THSD7A: variants seen among roughly 807,000 people sequenced by gnomAD.
THSD7A encodes thrombospondin type-1 domain-containing protein 7A.
THSD7A carries 96 observed loss-of-function variants against 231.3 expected under a neutral mutation model. The ratio of observed to expected loss-of-function variants is 0.41; its 90% CI spans 0.35 to 0.49. The LOEUF (loss-of-function observed/expected upper bound fraction) is 0.49, where lower values mean the gene tolerates loss of function less well. THSD7A is among the 20% of genes least tolerant of loss of function. The pLI is 0.05. For synonymous variants in THSD7A, 940 were observed against 743.3 expected (o/e 1.26, Z -4.30); for missense variants, 2,290 against 2,070.2 (o/e 1.11, Z -2.06).
chr7:11,752,776 A>G (rs936981846), intron 1 of THSD7A, among the ~76,000 whole-genome samples: 5 of 151,928 alleles, frequency 3.3e-5, no homozygotes, highest in African/African-American at 9.7e-5. Context: ...AAAAAATTCT[A>G]TTAGCCAGGT....
In THSD7A at chr7:11,636,676, G is replaced by C. The variant is rs769542046; in HGVS notation, c.476C>G (p.Ala159Gly). 6.2e-7 allele frequency: 1 copy of C among 1,613,974 alleles called. No individual in the cohort carries two copies. Among genetic ancestry groups the C allele is most frequent in the South Asian group, 1.1e-5 (1 of 91,084 alleles). The change falls in exon 2 of 28, where the codon GCG becomes GGG. Residue 159 changes from alanine (A) to glycine (G), a missense_variant. Ala to Gly is a moderately conservative substitution (Grantham distance 60). Transcript: ENST00000423059. The surrounding 1 kb of genome is among the most constrained non-coding windows in gnomAD (Gnocchi z 10.0). Reference sequence around the variant, plus strand: ...AATGTCTTTGTCTTTCTGGATGCACGCTATCTCCCTCACCTGAATACCTTC... The same window carrying C: ...AATGTCTTTGTCTTTCTGGATGCACCCTATCTCCCTCACCTGAATACCTTC... ...GEEGIQVREIACIQKDKDIPA... is the reference protein window; with the variant it reads ...GEEGIQVREIGCIQKDKDIPA...
intron 14 of THSD7A, among the ~76,000 whole-genome samples, chr7:11,427,960 T>G (rs892557920): frequency 6.6e-6 from 1 of 152,176 alleles, no homozygotes; most frequent in Non-Finnish European, 1.5e-5. Context: ...AGAGTACTTT[T>G]TATAGAATTT....
chr7:11,764,127 G>C (rs1485267059), intron 1 of THSD7A, among the ~76,000 whole-genome samples: 1 of 151,988 alleles, frequency 6.6e-6, no homozygotes, highest in Non-Finnish European at 1.5e-5. Context: ...ATTTTATATA[G>C]CCCAATTATT....
At chr7:11,403,957 T>C (rs1395365377) in intron 22 of THSD7A, among the ~76,000 whole-genome samples, 1 of 152,212 alleles carries the variant, frequency 6.6e-6, no homozygotes, top group Non-Finnish European at 1.5e-5. Flanking sequence ...TACTGCCAGC[T>C]TTCAAAACCC....
chr7:11,509,753 C>T (rs6950252), intron 6 of THSD7A, among the ~76,000 whole-genome samples: 88,232 of 140,178 alleles, frequency 0.63, 29,012 homozygotes, highest in Non-Finnish European at 0.74. Flanking sequence ...ACCCGGGAGG[C>T]GGAGCTTGCA....
chr7:11,788,999 T>A (rs2355087), intron 1 of THSD7A, among the ~76,000 whole-genome samples: 76,708 of 151,488 alleles, frequency 0.51, 19,610 homozygotes, highest in South Asian at 0.64. Context: ...GAGGGAATAC[T>A]AAACCAAGTG....
intron 6 of THSD7A, among the ~76,000 whole-genome samples, chr7:11,528,259 C>G (rs750012946): frequency 1.3e-5 from 2 of 152,164 alleles, no homozygotes; most frequent in Non-Finnish European, 2.9e-5. Context: ...CTTCTCTGCT[C>G]TCTGCCTTTC....
intron 6 of THSD7A, among the ~76,000 whole-genome samples, chr7:11,539,594 G>T (rs763151153): frequency 1.3e-5 from 2 of 152,054 alleles, no homozygotes; most frequent in Admixed American, 6.6e-5. Context: ...TTGTTTTTTA[G>T]TGTTTTTTCA....
At chr7:11,629,806 T>C (rs1311516552) in intron 2 of THSD7A, among the ~76,000 whole-genome samples, 1 of 152,182 alleles carries the variant, frequency 6.6e-6, no homozygotes. Flanking sequence ...AAGAAAGATA[T>C]ATAGGATTTT....
chr7:11,655,899 C>CA (rs1477639618), intron 1 of THSD7A, among the ~76,000 whole-genome samples: 1 of 151,846 alleles, frequency 6.6e-6, no homozygotes, highest in African/African-American at 2.4e-5. Context: ...TGCCTAAGGA[C>CA]AAAATCACAT....
intron 11 of THSD7A, among the ~76,000 whole-genome samples, chr7:11,453,941 A>G (rs1031683120): frequency 2.0e-5 from 3 of 152,010 alleles, no homozygotes; most frequent in East Asian, 1.9e-4. Context: ...CTAGGTTTCA[A>G]TTACATAGCC....
chr7:11,429,071 T>C lies in THSD7A; in HGVS notation c.3119A>G (p.Glu1040Gly). ...GCTGCAGCGCGACCAGTTGGACCACTCACTGAGCTTGCAGTCTGAGGGGCA... is the reference window on the plus strand; with the variant it reads ...GCTGCAGCGCGACCAGTTGGACCACCCACTGAGCTTGCAGTCTGAGGGGCA... ...IPCPSDCKLS[E>G]WSNWSRCSKS... Residue 1040 changes from glutamate (E) to glycine (G), a missense_variant, in exon 14 of 28, where the codon GAG becomes GGG. Coordinates refer to ENST00000423059, the MANE Select transcript of THSD7A (RefSeq NM_015204.3). 6.2e-7 allele frequency: 1 copy of C among 1,612,122 alleles called. No individual in the cohort carries two copies.
chr7:11,549,164 G>C (rs190075396), intron 4 of THSD7A, among the ~76,000 whole-genome samples: 55 of 152,284 alleles, frequency 3.6e-4, no homozygotes, highest in Admixed American at 3.5e-3. Context: ...CTGATCATTA[G>C]AGAAACGCAA....
At chr7:11,395,156 A>G (rs1783133477) in intron 23 of THSD7A, among the ~76,000 whole-genome samples, 5 of 148,220 alleles carry the variant, frequency 3.4e-5, no homozygotes, top group Non-Finnish European at 7.4e-5. Context: ...AAAAAAAAAA[A>G]AGCAGGGGTT....
At chr7:11,624,289 T>C (rs1471195487) in intron 2 of THSD7A, among the ~76,000 whole-genome samples, 1 of 152,126 alleles carries the variant, frequency 6.6e-6, no homozygotes, top group African/African-American at 2.4e-5. Context: ...CAATCCATTC[T>C]GCATATCATT....
chr7:11,407,121 G>C (rs944408085), intron 20 of THSD7A, 66 bp from the exon 21 acceptor site: 86 of 1,574,780 alleles, frequency 5.5e-5, no homozygotes, highest in Non-Finnish European at 7.4e-5. Context: ...ATATCTCATT[G>C]GGAGAAGGCA....
intron 1 of THSD7A, among the ~76,000 whole-genome samples, chr7:11,676,991 G>C (rs1445571451): frequency 6.6e-6 from 1 of 151,976 alleles, no homozygotes; most frequent in Non-Finnish European, 1.5e-5. Context: ...TGAAATGAAA[G>C]AAAAAATGTT....
rs150743187 is a variant in THSD7A at position 11,668,071 on chromosome 7, G to A, written c.191-31110C>T. ...TCTTGATAACAAACTGTGCCAGGAAGTACCTGTCTTTTAAGCCTAGTGGAG... is the reference window on the plus strand; with the variant it reads ...TCTTGATAACAAACTGTGCCAGGAAATACCTGTCTTTTAAGCCTAGTGGAG... On this transcript the variant is annotated intron_variant, in intron 1 of 27. Transcript: ENST00000423059. Among the ~76,000 whole-genome samples the A allele has an allele frequency of 4.9e-3, 741 of 152,242 alleles. 6 individuals carry two copies. Among genetic ancestry groups the A allele is most frequent in the African/African-American group, 0.017 (706 of 41,542 alleles).
At chr7:11,825,232 T>C (rs900556996) in intron 1 of THSD7A, among the ~76,000 whole-genome samples, 1 of 152,154 alleles carries the variant, frequency 6.6e-6, no homozygotes, top group Non-Finnish European at 1.5e-5. Flanking sequence ...ACGTACTTTC[T>C]ATTTATTACC....
Sources: allele counts gnomAD v4.1 joint callset (sites outside exome capture counted in the v4.1 genomes callset), GRCh38; gene constraint gnomAD v4.1.1; non-coding constraint Gnocchi (gnomAD v3.1); transcripts MANE v1.5; gene names NCBI Gene and HGNC (gene_info 2026-07-23, HGNC 2026-07-21).